RBFOX3: variants seen among roughly 807,000 people sequenced by gnomAD.
RBFOX3 encodes RNA binding protein fox-1 homolog 3.
Under a neutral mutation model 48.7 loss-of-function variants are expected in RBFOX3, and 17 were observed. That is an observed-to-expected ratio of 0.35 (90% CI 0.24 to 0.52). RBFOX3 has a LOEUF of 0.52. RBFOX3 is among the 20% of genes least tolerant of loss of function. The probability of loss-of-function intolerance (pLI) is 0.94; values close to 1 mark genes in which losing one functional copy is unlikely to be tolerated. For synonymous variants in RBFOX3, 212 were observed against 209.5 expected, an observed-to-expected ratio of 1.01 and a Z score of -0.10; for missense variants, 382 against 497.5, an observed-to-expected ratio of 0.77 and a Z score of 2.21.
chr17:79,571,618 A>G (rs2092681420), intron 1 of RBFOX3, among the ~76,000 whole-genome samples: 2 of 148,588 alleles, frequency 1.3e-5, no homozygotes, highest in Admixed American at 1.4e-4. Context: ...CTGGAGTCTC[A>G]TATTTGTGAT....
chr17:79,171,859 G>A (rs1270350918), intron 4 of RBFOX3, among the ~76,000 whole-genome samples: 2 of 152,088 alleles, frequency 1.3e-5, no homozygotes, highest in East Asian at 1.9e-4. Context: ...GGGTGGAGGA[G>A]GGGGAAGATC....
rs2079467936 is a variant in RBFOX3 at position 79,485,639 on chromosome 17, G to A, written c.-319-3041C>T. 2.0e-5 allele frequency among the ~76,000 whole-genome samples: 3 copies of A among 152,310 alleles called. No individual in the cohort carries two copies. In the South Asian group the frequency reaches 6.2e-4, roughly 32 times the overall value. ...CCACACCTTGCAAGCCAAGCTCACA[G>A]GAGATTATTTCATTTTCATTTTAAC... On this transcript the variant is annotated intron_variant, in intron 1 of 14. Transcript: ENST00000693108.
At chr17:79,358,662 T>C (rs568661080) in intron 2 of RBFOX3, among the ~76,000 whole-genome samples, 4 of 152,204 alleles carry the variant, frequency 2.6e-5, no homozygotes, top group South Asian at 2.1e-4. Flanking sequence ...GGTTTCACCA[T>C]GTTGGCCAGG....
intron 2 of RBFOX3, among the ~76,000 whole-genome samples, chr17:79,413,028 G>A (rs762577882): frequency 3.9e-5 from 6 of 152,226 alleles, no homozygotes; most frequent in Admixed American, 1.3e-4. Flanking sequence ...CCCTGTCTCC[G>A]TCCATCTCTC....
chr17:79,573,756 C>G (rs2092763833), intron 1 of RBFOX3, among the ~76,000 whole-genome samples: 1 of 152,220 alleles, frequency 6.6e-6, no homozygotes, highest in South Asian at 2.1e-4. Context: ...CTCCCCCCGG[C>G]ATCACCTGCC....
the RBFOX3 span, among the ~76,000 whole-genome samples, chr17:79,638,307 T>C: frequency 1.1e-5 from 1 of 88,894 alleles, no homozygotes; most frequent in African/African-American, 3.5e-5. Context: ...TGAGTTGGTT[T>C]TTTTTTTTTT....
intron 4 of RBFOX3, among the ~76,000 whole-genome samples, chr17:79,137,320 C>T (rs2040451525): frequency 1.3e-5 from 2 of 152,192 alleles, no homozygotes; most frequent in Admixed American, 1.3e-4. Context: ...CACACACATT[C>T]CCAGTGCATT....
intron 1 of RBFOX3, among the ~76,000 whole-genome samples, chr17:79,513,204 G>A (rs1170667438): frequency 1.3e-5 from 2 of 151,282 alleles, no homozygotes; most frequent in Non-Finnish European, 2.9e-5. Context: ...ACAGCCCCAT[G>A]GCCAGGGGAC....
rs942825971 is a variant in RBFOX3 at position 79,515,166 on chromosome 17, G to C, written c.-319-32568C>G. Among the ~76,000 whole-genome samples, 1,374 of 152,274 alleles carry C rather than the reference G, an allele frequency of 9.0e-3. 12 individuals carry two copies. The highest frequency in any genetic ancestry group is 0.031 in the African/African-American group (1,274 of 41,552). On this transcript the variant is annotated intron_variant, in intron 1 of 14. Transcript: ENST00000693108. ...GGCAGAAGGGCAGAAGACCCTTTCC[G>C]GAGGAGCAACACTCAAGCCAAGTGC...
intron 1 of RBFOX3, among the ~76,000 whole-genome samples, chr17:79,540,435 A>C (rs2089514127): frequency 6.6e-6 from 1 of 152,184 alleles, no homozygotes; most frequent in Non-Finnish European, 1.5e-5. Context: ...CCACCTCCTT[A>C]AGGTGCATGG....
chr17:79,265,118 C>T (rs1355289111), intron 3 of RBFOX3, among the ~76,000 whole-genome samples: 2 of 152,238 alleles, frequency 1.3e-5, no homozygotes, highest in Non-Finnish European at 2.9e-5. Flanking sequence ...TGGGCAGAGG[C>T]AGTCCAGCCC....
chr17:79,140,688 C>T (rs2041743787), intron 4 of RBFOX3, among the ~76,000 whole-genome samples: 1 of 152,256 alleles, frequency 6.6e-6, no homozygotes, highest in Admixed American at 6.5e-5. Flanking sequence ...TAGAAAAGTG[C>T]TCCATGGCCA....
In RBFOX3 at chr17:79,570,202, AGATG is replaced by A. The variant is rs1419475432; in HGVS notation, c.-320+40620_-320+40623del. Among the ~76,000 whole-genome samples, 66 of 150,262 alleles carry A rather than the reference AGATG, an allele frequency of 4.4e-4. 1 individual carries two copies. The highest frequency in any genetic ancestry group is 4.3e-4 in the Non-Finnish European group (29 of 67,730). The stretch of plus-strand genomic sequence containing the variant: ...GATAGGTGGATTATAGATGGATAGT[AGATG>A]GATGGATGGATAGATGAATTATAGA... On this transcript the variant is annotated intron_variant, in intron 1 of 14. Transcript: ENST00000693108.
At chr17:79,439,018 T>C (rs1411129823) in intron 2 of RBFOX3, among the ~76,000 whole-genome samples, 2 of 152,230 alleles carry the variant, frequency 1.3e-5, no homozygotes, top group African/African-American at 2.4e-5. Context: ...GCTCCCAAGA[T>C]TTTAATTTTA....
chr17:79,626,957 C>T, the RBFOX3 span, among the ~76,000 whole-genome samples: 1 of 152,320 alleles, frequency 6.6e-6, no homozygotes, highest in East Asian at 1.9e-4. Context: ...ACGGAAACAC[C>T]ATTTCTATCT....
chr17:79,477,704 G>A lies in RBFOX3; in HGVS notation c.-175+4750C>T, dbSNP rs921578001. Among the ~76,000 whole-genome samples the A allele has an allele frequency of 8.5e-5, 13 of 152,288 alleles. No individual in the cohort carries two copies. The highest frequency in any genetic ancestry group is 5.8e-4 in the East Asian group (3 of 5,180). On this transcript the variant is annotated intron_variant, in intron 2 of 14. Transcript: ENST00000693108. The surrounding 1 kb of genome is among the most constrained non-coding windows in gnomAD (Gnocchi z 4.8). ...GGTGAACAAGCAAAGGGGCAGGGTGGCAGAATTAGGCAGGATCAGAATGAG... is the reference window on the plus strand; with the variant it reads ...GGTGAACAAGCAAAGGGGCAGGGTGACAGAATTAGGCAGGATCAGAATGAG...
intron 2 of RBFOX3, among the ~76,000 whole-genome samples, chr17:79,380,185 TC>T (rs1193622716): frequency 1.5e-5 from 2 of 134,484 alleles, no homozygotes; most frequent in Non-Finnish European, 3.2e-5. Flanking sequence ...ATCTCCACAA[TC>T]CCCCCCTTGC....
intron 1 of RBFOX3, among the ~76,000 whole-genome samples, chr17:79,585,000 C>G (rs2093199681): frequency 6.6e-6 from 1 of 151,832 alleles, no homozygotes; most frequent in Non-Finnish European, 1.5e-5. Context: ...CTCCTGACCT[C>G]GTGATCCGCC....
At chr17:79,102,586 G>C (rs1233375241) in intron 8 of RBFOX3, among the ~76,000 whole-genome samples, 3 of 152,230 alleles carry the variant, frequency 2.0e-5, no homozygotes, top group Non-Finnish European at 1.5e-5. Flanking sequence ...GGAAGGAGGG[G>C]ACAGAGCGGG....
Sources: allele counts gnomAD v4.1 joint callset (sites outside exome capture counted in the v4.1 genomes callset), GRCh38; gene constraint gnomAD v4.1.1; non-coding constraint Gnocchi (gnomAD v3.1); transcripts MANE v1.5; gene names NCBI Gene and HGNC (gene_info 2026-07-23, HGNC 2026-07-21).